NRXN3: variants seen among roughly 807,000 people sequenced by gnomAD.
The protein encoded by NRXN3 is neurexin 3, also known as neurexin III.
NRXN3 carries 32 observed loss-of-function variants against 137.6 expected under a neutral mutation model. The observed-to-expected ratio is 0.23, with a 90% CI of 0.18 to 0.31. NRXN3 has a LOEUF of 0.31. NRXN3 is among the 10% of genes least tolerant of loss of function. The pLI, the probability that NRXN3 is intolerant of heterozygous loss-of-function variation, is 1.00. For missense variants in NRXN3, 1,574 were observed against 2,062.5 expected (o/e 0.76, Z 4.59); for synonymous variants, 798 against 784.5 (o/e 1.02, Z -0.29).
chr14:79,393,610 C>T (rs187113375), intron 15 of NRXN3, among the ~76,000 whole-genome samples: 5 of 152,190 alleles, frequency 3.3e-5, no homozygotes, highest in African/African-American at 9.6e-5. Context: ...GTCAGAAGAT[C>T]GAGACCATCC....
chr14:78,723,467 A>C (rs1347822593), intron 8 of NRXN3, among the ~76,000 whole-genome samples: 4 of 152,236 alleles, frequency 2.6e-5, no homozygotes, highest in African/African-American at 9.6e-5. Flanking sequence ...CTTCTGAGCC[A>C]TCTTGAATCA....
chr14:78,236,153 A>G (rs987766227), intron 1 of NRXN3, among the ~76,000 whole-genome samples: 2 of 152,256 alleles, frequency 1.3e-5, no homozygotes, highest in Non-Finnish European at 2.9e-5. Flanking sequence ...AGAAAAGCAC[A>G]TACATTGTAA....
Position 79,590,973 on chromosome 14 carries a change from C to T in NRXN3, c.3445-72805C>T, listed in dbSNP as rs535351478. ...TCAGAACCTTAGCTCCAACAAAACC[C>T]CCTTCTTTTTCTCTCATTATAACAC... On this transcript the variant is annotated intron_variant, in intron 16 of 20. Coordinates refer to ENST00000335750, the MANE Select transcript of NRXN3 (RefSeq NM_001330195.2). 1.9e-3 allele frequency among the ~76,000 whole-genome samples: 293 copies of T among 152,256 alleles called. 8 individuals are homozygous for T. The highest frequency in any genetic ancestry group is 7.9e-4 in the Non-Finnish European group (54 of 68,018).
At chr14:78,966,507 C>A (rs2099417582) in intron 12 of NRXN3, 101 bp downstream of exon 12, 2 of 1,230,832 alleles carry the variant, frequency 1.6e-6, no homozygotes, top group African/African-American at 1.5e-5. Context: ...TACTCCCTAC[C>A]CTCCATTCCT....
At chr14:79,390,152 C>T (rs2094793996) in intron 15 of NRXN3, among the ~76,000 whole-genome samples, 1 of 151,874 alleles carries the variant, frequency 6.6e-6, no homozygotes, top group Admixed American at 6.6e-5. Context: ...CCCGTCTCTA[C>T]TAAGAATACA....
At chr14:78,615,368 A>C (rs574841547) in intron 4 of NRXN3, among the ~76,000 whole-genome samples, 1 of 151,270 alleles carries the variant, frequency 6.6e-6, no homozygotes, top group South Asian at 2.1e-4. Flanking sequence ...TGGGAGGCCG[A>C]GGTGGGTGGA....
chr14:79,185,315 A>G (rs1298176726), intron 15 of NRXN3, among the ~76,000 whole-genome samples: 1 of 152,224 alleles, frequency 6.6e-6, no homozygotes, highest in Non-Finnish European at 1.5e-5. Context: ...TTGCAGATTC[A>G]TGACAATTCA....
chr14:79,779,535 G>T (rs1427255248), intron 19 of NRXN3, among the ~76,000 whole-genome samples: 2 of 152,016 alleles, frequency 1.3e-5, no homozygotes, highest in African/African-American at 4.8e-5. Flanking sequence ...GGACTTTGGG[G>T]GTTTTGTTTA....
At chr14:79,066,374 C>A (rs1297109718) in intron 15 of NRXN3, among the ~76,000 whole-genome samples, 1 of 152,210 alleles carries the variant, frequency 6.6e-6, no homozygotes, top group African/African-American at 2.4e-5. Context: ...CAGTACCATG[C>A]TGTTTTGGTT....
intron 16 of NRXN3, among the ~76,000 whole-genome samples, chr14:79,573,895 A>G (rs2097638997): frequency 6.6e-6 from 1 of 152,238 alleles, no homozygotes; most frequent in Admixed American, 6.5e-5. Flanking sequence ...TTTTATTGTG[A>G]TAACAAGATA....
chr14:79,690,109 A>G (rs1254590049), intron 17 of NRXN3, among the ~76,000 whole-genome samples: 1 of 152,146 alleles, frequency 6.6e-6, no homozygotes, highest in Non-Finnish European at 1.5e-5. Context: ...TTTTCTCAGT[A>G]TAGTATTCTG....
At chr14:79,207,495 G>T (rs757351235) in intron 15 of NRXN3, among the ~76,000 whole-genome samples, 1 of 152,174 alleles carries the variant, frequency 6.6e-6, no homozygotes, top group Non-Finnish European at 1.5e-5. Context: ...AACAACTGGT[G>T]CAAGGAAAGG....
At chr14:79,108,490 C>T (rs1264697655) in intron 15 of NRXN3, among the ~76,000 whole-genome samples, 2 of 152,090 alleles carry the variant, frequency 1.3e-5, no homozygotes, top group African/African-American at 4.8e-5. Context: ...ATATGTAGGA[C>T]ATCAAACTTA....
intron 4 of NRXN3, among the ~76,000 whole-genome samples, chr14:78,429,161 C>T (rs1340005009): frequency 6.6e-6 from 1 of 151,980 alleles, no homozygotes; most frequent in Non-Finnish European, 1.5e-5. Flanking sequence ...CTGCAACCCT[C>T]CACCTCTTGG....
At chr14:78,858,989 C>G (rs1248852897) in intron 10 of NRXN3, among the ~76,000 whole-genome samples, 1 of 152,166 alleles carries the variant, frequency 6.6e-6, no homozygotes, top group East Asian at 1.9e-4. Flanking sequence ...ACCCAAATCT[C>G]ACCTCAAATT....
intron 15 of NRXN3, chr14:79,074,666 A>G (rs1390912984): frequency 1.3e-5 from 2 of 152,272 alleles, no homozygotes; most frequent in African/African-American, 4.8e-5. Flanking sequence ...CGCCAAGGAC[A>G]GTAGTTTGAA....
At chr14:79,765,557 G>A (rs1434360677) in intron 19 of NRXN3, among the ~76,000 whole-genome samples, 4 of 152,310 alleles carry the variant, frequency 2.6e-5, no homozygotes, top group Admixed American at 2.6e-4. Context: ...CAATGGCTAT[G>A]TGCCTAGCAA....
chr14:78,510,368 T>C (rs888235135), intron 4 of NRXN3, among the ~76,000 whole-genome samples: 7 of 152,152 alleles, frequency 4.6e-5, no homozygotes, highest in Admixed American at 2.0e-4. Context: ...TTTAATCCTC[T>C]GGAACTCTAT....
intron 2 of NRXN3, among the ~76,000 whole-genome samples, chr14:78,271,935 A>T (rs1474763466): frequency 1.3e-5 from 2 of 152,150 alleles, no homozygotes; most frequent in African/African-American, 4.8e-5. Flanking sequence ...AGAACGAAGG[A>T]AACAACCTCC....
Sources: allele counts gnomAD v4.1 joint callset (sites outside exome capture counted in the v4.1 genomes callset), GRCh38; gene constraint gnomAD v4.1.1; transcripts MANE v1.5; gene names NCBI Gene and HGNC (gene_info 2026-07-23, HGNC 2026-07-21).